The following PTPRK variants were observed in gnomAD, a reference collection of about 807,000 sequenced individuals.
PTPRK encodes the protein receptor-type tyrosine-protein phosphatase kappa.
In PTPRK, 75 loss-of-function variants were observed where a neutral mutation model predicts 178.0. That is an observed-to-expected ratio of 0.42 (90% CI 0.35 to 0.51). The LOEUF (loss-of-function observed/expected upper bound fraction) is 0.51. Ranked by LOEUF, PTPRK falls within the 20% of genes least tolerant of loss-of-function variation. PTPRK has a pLI of 0.02. For missense variants in PTPRK, 1,441 were observed against 1,797.8 expected, an observed-to-expected ratio of 0.80 and a Z score of 3.59; for synonymous variants, 637 against 620.6, an observed-to-expected ratio of 1.03 and a Z score of -0.39.
intron 2 of PTPRK, among the ~76,000 whole-genome samples, chr6:128,357,072 A>G (rs975868934): frequency 1.3e-5 from 2 of 152,182 alleles, no homozygotes; most frequent in African/African-American, 4.8e-5. Flanking sequence ...TCTAGACACA[A>G]TTTAAGAATG....
intron 2 of PTPRK, among the ~76,000 whole-genome samples, chr6:128,325,331 A>G (rs1024658438): frequency 6.6e-6 from 1 of 152,186 alleles, no homozygotes; most frequent in Non-Finnish European, 1.5e-5. Flanking sequence ...AATGGGATCT[A>G]ATTAAACTAA....
chr6:128,150,195 G>A (rs898760294), intron 7 of PTPRK, among the ~76,000 whole-genome samples: 1 of 152,076 alleles, frequency 6.6e-6, no homozygotes, highest in African/African-American at 2.4e-5. Context: ...GGGTAAGAGT[G>A]GGGGTGGGGT....
intron 28 of PTPRK, 82 bp downstream of exon 28, chr6:127,973,582 C>A: frequency 1.3e-6 from 2 of 1,520,442 alleles, no homozygotes; most frequent in East Asian, 2.3e-5. Context: ...CCATAAGATG[C>A]AAGCCAGATA....
At chr6:128,284,085 A>C (rs1256922253) in intron 3 of PTPRK, among the ~76,000 whole-genome samples, 1 of 152,164 alleles carries the variant, frequency 6.6e-6, no homozygotes, top group Non-Finnish European at 1.5e-5. Flanking sequence ...ACAGCTCTTC[A>C]CAGTCTGGCT....
At chr6:128,430,945 T>TC (rs572473142) in intron 1 of PTPRK, among the ~76,000 whole-genome samples, 2,135 of 150,710 alleles carry the variant, frequency 0.014, 56 homozygotes, top group African/African-American at 0.049. Context: ...TTTTTCTTTT[T>TC]TTTTTTTTTT....
Position 128,056,223 on chromosome 6 carries a change from C to T in PTPRK, c.2194+8535G>A, listed in dbSNP as rs117994306. ...CAGCTTTTATTCAGCACATAGCTAA[C>T]GGTTAAGAAGTAGTCAATGAGAAGG... On this transcript the variant is annotated intron_variant, in intron 13 of 29. Coordinates refer to ENST00000368226, the MANE Select transcript of PTPRK (RefSeq NM_002844.4). 4.6e-3 allele frequency among the ~76,000 whole-genome samples: 704 copies of T among 151,928 alleles called. 6 individuals carry two copies. Among genetic ancestry groups the T allele is most frequent in the African/African-American group, 0.016 (668 of 41,476 alleles).
At chr6:128,307,549 G>C (rs971813437) in intron 3 of PTPRK, among the ~76,000 whole-genome samples, 6 of 150,128 alleles carry the variant, frequency 4.0e-5, no homozygotes, top group African/African-American at 1.5e-4. Flanking sequence ...ATAAACCCAA[G>C]CCAAGACAAG....
chr6:128,159,258 T>G (rs1798351863), intron 7 of PTPRK, among the ~76,000 whole-genome samples: 2 of 151,874 alleles, frequency 1.3e-5, no homozygotes, highest in Admixed American at 1.3e-4. Flanking sequence ...TAATTCAATA[T>G]TAGGTGTAAT....
intron 17 of PTPRK, among the ~76,000 whole-genome samples, chr6:127,996,245 A>G (rs771414212): frequency 6.2e-4 from 94 of 152,126 alleles, no homozygotes; most frequent in Non-Finnish European, 1.1e-3. Context: ...ATAACACCCC[A>G]ATCTTGAATA....
At chr6:128,239,984 T>C in intron 5 of PTPRK, 51 bp downstream of exon 5, 1 of 1,420,488 alleles carries the variant, frequency 7.0e-7, no homozygotes, top group Non-Finnish European at 9.9e-7. Flanking sequence ...TGTTGCAATG[T>C]TTTTAAAACA....
chr6:128,505,346 C>A (rs1460755659), intron 1 of PTPRK, among the ~76,000 whole-genome samples: 1 of 151,332 alleles, frequency 6.6e-6, no homozygotes, highest in African/African-American at 2.4e-5. Flanking sequence ...GAGGCTGAGG[C>A]AGGAGAATCG....
chr6:128,306,966 A>G (rs1381179841), intron 3 of PTPRK, among the ~76,000 whole-genome samples: 2 of 152,058 alleles, frequency 1.3e-5, no homozygotes, highest in Non-Finnish European at 2.9e-5. Flanking sequence ...GGGTGGTAGT[A>G]GGAATAAAAA....
chr6:128,199,876 A>T (rs1222492645), intron 6 of PTPRK, among the ~76,000 whole-genome samples: 2 of 152,226 alleles, frequency 1.3e-5, no homozygotes, highest in East Asian at 3.8e-4. Context: ...CCCCGAAATC[A>T]AAAGAAACAT....
intron 7 of PTPRK, among the ~76,000 whole-genome samples, chr6:128,110,049 G>A (rs1045479459): frequency 2.6e-5 from 4 of 152,130 alleles, no homozygotes; most frequent in Admixed American, 1.3e-4. Context: ...AATACTACAG[G>A]TATGCACCAC....
intron 1 of PTPRK, among the ~76,000 whole-genome samples, chr6:128,416,985 T>A (rs1842928042): frequency 6.7e-6 from 1 of 148,486 alleles, no homozygotes. Flanking sequence ...ATAATAATTA[T>A]AAAATTATAA....
At chr6:128,429,409 T>C (rs2128392688) in intron 1 of PTPRK, among the ~76,000 whole-genome samples, 1 of 152,316 alleles carries the variant, frequency 6.6e-6, no homozygotes, top group African/African-American at 2.4e-5. Flanking sequence ...GATAAGCCTA[T>C]GACCTCCAGG....
intron 6 of PTPRK, among the ~76,000 whole-genome samples, chr6:128,206,406 T>TAAAA (rs60030807): frequency 8.3e-6 from 1 of 120,608 alleles, no homozygotes; most frequent in Non-Finnish European, 1.8e-5. Context: ...GGGTGTTCAT[T>TAAAA]AAAAAAAAAA....
chr6:128,295,961 A>G (rs1006334555), intron 3 of PTPRK, among the ~76,000 whole-genome samples: 2 of 152,160 alleles, frequency 1.3e-5, no homozygotes, highest in Admixed American at 1.3e-4. Flanking sequence ...GTGTGCTCTA[A>G]AGAACATAAA....
At chr6:128,104,217 T>C (rs770927739) in intron 7 of PTPRK, among the ~76,000 whole-genome samples, 1 of 152,226 alleles carries the variant, frequency 6.6e-6, no homozygotes, top group Admixed American at 6.5e-5. Context: ...TTAACTTCAT[T>C]ACATTCTGTC....
Sources: allele counts gnomAD v4.1 joint callset (sites outside exome capture counted in the v4.1 genomes callset), GRCh38; gene constraint gnomAD v4.1.1; transcripts MANE v1.5; gene names NCBI Gene and HGNC (gene_info 2026-07-23, HGNC 2026-07-21).